Variants in DPY19L1 observed in about 807,000 individuals in gnomAD.
DPY19L1 encodes protein C-mannosyl-transferase DPY19L1.
A neutral mutation model predicts 96.9 loss-of-function variants in DPY19L1; 35 were observed. The observed-to-expected ratio is 0.36, with a 90% CI of 0.28 to 0.48. DPY19L1 has a LOEUF of 0.48. Among genes scored for constraint, DPY19L1 ranks in the 20% least tolerant of loss-of-function variants. DPY19L1 has a pLI of 0.99. For missense variants in DPY19L1, 521 were observed against 777.9 expected (o/e 0.67, Z 3.93); for synonymous variants, 205 against 252.6 (o/e 0.81, Z 1.79).
chr7:34,993,814 C>T (rs1785225281), intron 6 of DPY19L1, among the ~76,000 whole-genome samples: 1 of 151,864 alleles, frequency 6.6e-6, no homozygotes. Context: ...AATCTCAGCA[C>T]TTTGGAAGGC....
intron 1 of DPY19L1, among the ~76,000 whole-genome samples, chr7:35,032,653 C>T (rs896843153): frequency 2.6e-5 from 4 of 152,076 alleles, no homozygotes; most frequent in Admixed American, 2.6e-4. Flanking sequence ...TTGGACATCT[C>T]ACAAATGTCC....
intron 8 of DPY19L1, among the ~76,000 whole-genome samples, chr7:34,970,296 C>T (rs556520083): frequency 1.6e-4 from 25 of 152,132 alleles, no homozygotes; most frequent in African/African-American, 6.0e-4. Context: ...TTATGACATG[C>T]CTTTCTTCAC....
chr7:35,032,699 T>C (rs1032809190), intron 1 of DPY19L1, among the ~76,000 whole-genome samples: 19 of 152,052 alleles, frequency 1.2e-4, no homozygotes, highest in African/African-American at 4.6e-4. Context: ...TTCTTGACCT[T>C]TTCCTTCAAA....
At chr7:35,014,065 A>C (rs1194935121) in intron 3 of DPY19L1, among the ~76,000 whole-genome samples, 3 of 152,182 alleles carry the variant, frequency 2.0e-5, no homozygotes, top group African/African-American at 7.2e-5. Context: ...ACTAAAATTT[A>C]TCATGAACCA....
At chr7:35,005,291 T>A (rs1462604094) in intron 6 of DPY19L1, among the ~76,000 whole-genome samples, 1 of 151,754 alleles carries the variant, frequency 6.6e-6, no homozygotes, top group East Asian at 2.0e-4. Flanking sequence ...GCCACAGGCC[T>A]GGTCTGTGAA....
chr7:35,014,274 T>C (rs1785785821), intron 3 of DPY19L1, among the ~76,000 whole-genome samples: 1 of 152,096 alleles, frequency 6.6e-6, no homozygotes, highest in Non-Finnish European at 1.5e-5. Context: ...CAAGTCAGCA[T>C]AAGGTAAGAA....
At chr7:34,962,704 C>A (rs1238379401) in intron 10 of DPY19L1, among the ~76,000 whole-genome samples, 2 of 151,352 alleles carry the variant, frequency 1.3e-5, no homozygotes, top group Non-Finnish European at 3.0e-5. Context: ...ATCAAAAAAA[C>A]AAAACAAAAC....
chr7:35,029,870 T>G (rs1786218921), intron 1 of DPY19L1, among the ~76,000 whole-genome samples: 1 of 152,184 alleles, frequency 6.6e-6, no homozygotes, highest in South Asian at 2.1e-4. Flanking sequence ...CCTACAATTT[T>G]ACACGGATGT....
intron 7 of DPY19L1, among the ~76,000 whole-genome samples, chr7:34,981,010 T>C (rs1308881913): frequency 6.6e-6 from 1 of 152,036 alleles, no homozygotes; most frequent in Non-Finnish European, 1.5e-5. Flanking sequence ...TTTTGAAGGA[T>C]GGGGAGGGAT....
chr7:34,967,094 C>G, intron 9 of DPY19L1, 123 bp from the exon 10 acceptor site: 1 of 632,238 alleles, frequency 1.6e-6, no homozygotes, highest in Non-Finnish European at 2.4e-6. Context: ...TTCTGTTTTC[C>G]TTTTATCTGA....
chr7:34,964,080 G>A (rs1784561080), intron 10 of DPY19L1, among the ~76,000 whole-genome samples: 1 of 151,830 alleles, frequency 6.6e-6, no homozygotes, highest in Non-Finnish European at 1.5e-5. Context: ...GCTTAAGGTG[G>A]TAAATTTTAA....
chr7:34,969,390 A>AACT (rs1784679021), intron 9 of DPY19L1, 43 bp downstream of exon 9: 2 of 1,178,224 alleles, frequency 1.7e-6, no homozygotes, highest in Admixed American at 5.7e-5. Context: ...TCACATAGTC[A>AACT]AACATGCTAA....
intron 6 of DPY19L1, among the ~76,000 whole-genome samples, chr7:34,998,828 A>G (rs531651767): frequency 6.6e-6 from 1 of 152,370 alleles, no homozygotes; most frequent in East Asian, 1.9e-4. Flanking sequence ...TGTGAAAAAT[A>G]GAAACTAATA....
chr7:34,941,533 G>A (rs1202153300), intron 18 of DPY19L1, among the ~76,000 whole-genome samples: 1 of 152,180 alleles, frequency 6.6e-6, no homozygotes, highest in Non-Finnish European at 1.5e-5. Context: ...AATCACTCAT[G>A]AACTCAGTCT....
At chr7:35,034,925 T>C (rs1217750663) in intron 1 of DPY19L1, among the ~76,000 whole-genome samples, 1 of 152,172 alleles carries the variant, frequency 6.6e-6, no homozygotes, top group African/African-American at 2.4e-5. Context: ...CTCTCACTCA[T>C]TCTGGGAGGG....
intron 6 of DPY19L1, among the ~76,000 whole-genome samples, chr7:35,007,034 C>T (rs998810023): frequency 6.6e-6 from 1 of 152,084 alleles, no homozygotes; most frequent in African/African-American, 2.4e-5. Flanking sequence ...AAGTCTGCAG[C>T]TTTATCCCTT....
rs144265769 is a variant in DPY19L1, at chr7:34,977,192, T to C, written c.823-3587A>G. Among the ~76,000 whole-genome samples the C allele has an allele frequency of 1.3e-4, 20 of 152,352 alleles. 1 individual carries two copies. The East Asian group carries it at 3.7e-3, about 28-fold the overall frequency. On this transcript the variant is annotated intron_variant, in intron 7 of 21. Transcript: ENST00000638088. ...TGGAAAACCAAGAAATTTGTATGAC[T>C]TGATTTATTACGATATTCATTTTAC...
At chr7:34,960,012 CTG>C (rs1193574238) in intron 10 of DPY19L1, among the ~76,000 whole-genome samples, 7 of 148,366 alleles carry the variant, frequency 4.7e-5, no homozygotes, top group African/African-American at 1.5e-4. Flanking sequence ...TTTTTGACCT[CTG>C]TAGTATTTTT....
rs546922450 is a variant in DPY19L1 at position 35,032,461 on chromosome 7, A to G, written c.298+4636T>C. Among the ~76,000 whole-genome samples, 68 of 152,332 alleles carry G rather than the reference A, an allele frequency of 4.5e-4. 1 individual carries two copies. The highest frequency in any genetic ancestry group is 1.6e-3 in the African/African-American group (67 of 41,576). The stretch of plus-strand genomic sequence containing the variant: ...AAAGCACTTCCAACAAAGCCTGGCA[A>G]AGAGTAAGCCCCCTATCAGTATAAG... On this transcript the variant is annotated intron_variant, in intron 1 of 21. Transcript: ENST00000638088.
Sources: gnomAD v4.1 joint callset for allele counts (sites outside exome capture counted in the v4.1 genomes callset) on GRCh38, gnomAD v4.1.1 for gene constraint, MANE v1.5 for transcripts, NCBI Gene and HGNC (gene_info 2026-07-23, HGNC 2026-07-21) for gene names.